Variants in ABLIM1 observed in about 807,000 individuals in gnomAD.
The protein encoded by ABLIM1 is actin binding LIM protein 1, also known as actin-binding LIM protein 1.
In ABLIM1, 40 loss-of-function variants were observed where a neutral mutation model predicts 107.0. The ratio of observed to expected loss-of-function variants is 0.37; its 90% CI spans 0.29 to 0.49. ABLIM1 has a LOEUF of 0.49. Ranked by LOEUF, ABLIM1 falls within the 20% of genes least tolerant of loss-of-function variation. The probability of loss-of-function intolerance (pLI) is 0.97; values close to 1 mark genes in which losing one functional copy is unlikely to be tolerated. For missense variants in ABLIM1, 857 were observed against 1,008.5 expected, an observed-to-expected ratio of 0.85 and a Z score of 2.04; for synonymous variants, 357 against 357.3, an observed-to-expected ratio of 1.00 and a Z score of 0.01.
At chr10:114,450,661 T>G (rs1328065875) in intron 14 of ABLIM1, among the ~76,000 whole-genome samples, 1 of 151,994 alleles carries the variant, frequency 6.6e-6, no homozygotes, top group African/African-American at 2.4e-5. Flanking sequence ...GGGCTGGTCT[T>G]GAACTCCTGA....
intron 4 of ABLIM1, among the ~76,000 whole-genome samples, chr10:114,553,300 G>A (rs1048436860): frequency 2.6e-5 from 4 of 152,178 alleles, no homozygotes; most frequent in African/African-American, 9.6e-5. Context: ...TTTCCATTCA[G>A]AGCAACTACC....
intron 1 of ABLIM1, among the ~76,000 whole-genome samples, chr10:114,653,379 A>AC (rs2079343929): frequency 6.6e-6 from 1 of 151,748 alleles, no homozygotes; most frequent in African/African-American, 2.4e-5. Context: ...CTGTCTCTAA[A>AC]AAAAAAATCA....
rs34861242 is a variant in ABLIM1, at chr10:114,568,196, C to CAAAAA, written c.673+3096_673+3100dup. On this transcript the variant is annotated intron_variant, in intron 4 of 22. Transcript: ENST00000533213. Reference sequence around the variant, plus strand: ...TGGGCGACAGAGCAAGACTCCGTCTCAAAAAAAAAAAAAAAAAAAAAAGGC... The same window carrying CAAAAA: ...TGGGCGACAGAGCAAGACTCCGTCTCAAAAAAAAAAAAAAAAAAAAAAAAAAAGGC... 7.3e-3 allele frequency among the ~76,000 whole-genome samples: 383 copies of CAAAAA among 52,340 alleles called. 21 individuals are homozygous for CAAAAA. Among genetic ancestry groups the CAAAAA allele is most frequent in the African/African-American group, 0.025 (353 of 13,874 alleles). The allele number at this position is 52,340 out of a possible 152,430, so 34.3% of individuals were successfully genotyped here. A position where few individuals can be genotyped will look rare whatever the true frequency, so the allele number is the denominator to read the frequency against.
intron 1 of ABLIM1, among the ~76,000 whole-genome samples, chr10:114,764,366 G>T (rs2082829776): frequency 6.6e-6 from 1 of 152,110 alleles, no homozygotes; most frequent in East Asian, 1.9e-4. Context: ...AGATTAAATT[G>T]ATTTATTTGT....
chr10:114,438,928 G>C lies in ABLIM1; in HGVS notation c.2142+248C>G, dbSNP rs980853492. On this transcript the variant is annotated intron_variant, in intron 21 of 22. Transcript: ENST00000533213. ...GTAATGCACATGGCAGAGGCCAAGGGAATACCTTGGTCATAGGCAGAGAGG... is the reference window on the plus strand; with the variant it reads ...GTAATGCACATGGCAGAGGCCAAGGCAATACCTTGGTCATAGGCAGAGAGG... 3.3e-5 allele frequency among the ~76,000 whole-genome samples: 5 copies of C among 152,194 alleles called. No homozygotes were observed. In the East Asian group the frequency reaches 9.6e-4, roughly 29 times the overall value.
intron 1 of ABLIM1, among the ~76,000 whole-genome samples, chr10:114,694,611 G>A (rs1472800089): frequency 6.6e-6 from 1 of 152,074 alleles, no homozygotes; most frequent in African/African-American, 2.4e-5. Flanking sequence ...CTCATGGGAT[G>A]TTGTGAAAAT....
intron 2 of ABLIM1, among the ~76,000 whole-genome samples, chr10:114,580,440 C>T (rs1429044921): frequency 6.6e-6 from 1 of 152,008 alleles, no homozygotes; most frequent in Non-Finnish European, 1.5e-5. Context: ...CTTGAACTCT[C>T]GGCCTCAAGT....
intron 6 of ABLIM1, among the ~76,000 whole-genome samples, chr10:114,495,477 G>A (rs1447953915): frequency 6.6e-6 from 1 of 152,022 alleles, no homozygotes; most frequent in East Asian, 1.9e-4. Context: ...TGGTAGTGAT[G>A]GTGATGGTGA....
chr10:114,488,421 G>A (rs1181603510), intron 7 of ABLIM1, among the ~76,000 whole-genome samples: 1 of 152,120 alleles, frequency 6.6e-6, no homozygotes, highest in African/African-American at 2.4e-5. Flanking sequence ...AAACAACCAA[G>A]CAGTTTAGTT....
chr10:114,778,809 C>G, the ABLIM1 span: 1 of 152,166 alleles, frequency 6.6e-6, no homozygotes, highest in East Asian at 1.9e-4. Flanking sequence ...CTGTGTAATC[C>G]CATCTTGTGG....
At chr10:114,694,608 G>A (rs541515076) in intron 1 of ABLIM1, among the ~76,000 whole-genome samples, 6 of 152,110 alleles carry the variant, frequency 3.9e-5, no homozygotes, top group African/African-American at 1.4e-4. Context: ...TACCTCATGG[G>A]ATGTTGTGAA....
At chr10:114,502,882 A>G (rs1272947512) in intron 6 of ABLIM1, among the ~76,000 whole-genome samples, 1 of 152,208 alleles carries the variant, frequency 6.6e-6, no homozygotes, top group African/African-American at 2.4e-5. Flanking sequence ...AAAAGAAAAG[A>G]ACATTATCTG....
intron 1 of ABLIM1, among the ~76,000 whole-genome samples, chr10:114,714,587 G>A (rs1591870778): frequency 6.6e-6 from 1 of 152,196 alleles, no homozygotes; most frequent in East Asian, 1.9e-4. Flanking sequence ...TGCTACCAAT[G>A]CTGTGCTATT....
intron 12 of ABLIM1, among the ~76,000 whole-genome samples, chr10:114,461,972 T>C (rs569517449): frequency 6.6e-6 from 1 of 152,310 alleles, no homozygotes; most frequent in Non-Finnish European, 1.5e-5. Context: ...ATTGCTTCAA[T>C]AAGCAATATT....
At chr10:114,495,133 G>A (rs2059498717) in intron 6 of ABLIM1, among the ~76,000 whole-genome samples, 1 of 152,176 alleles carries the variant, frequency 6.6e-6, no homozygotes, top group Admixed American at 6.5e-5. Flanking sequence ...CAAGAGGTGA[G>A]AGTCAGGAAG....
chr10:114,780,382 G>A, the ABLIM1 span, among the ~76,000 whole-genome samples: 3 of 152,206 alleles, frequency 2.0e-5, no homozygotes, highest in Non-Finnish European at 4.4e-5. Context: ...AACTCAATCT[G>A]TAAATGAGCT....
Position 114,487,973 on chromosome 10 carries a change from G to A in ABLIM1, c.1026C>T (p.Thr342=), listed in dbSNP as rs570177668. 29 of 1,614,050 alleles carry A rather than the reference G, an allele frequency of 1.8e-5. No homozygotes were observed. The highest frequency in any genetic ancestry group is 5.5e-5 in the South Asian group (5 of 91,076). The change falls in exon 8 of 23, where the codon ACC becomes ACT. Residue 342 remains threonine, a synonymous_variant. Transcript: ENST00000533213. ...GTGTCCTTACCCGCAGCTTTTCCTC[G>A]GTCTTCGTAGATTGCTTACAGTCGG... ...WHPDCKQSTK[T]EEKLRPTRTS... is the part of the protein sequence containing the mutation.
At chr10:114,597,214 C>G (rs970820715) in intron 2 of ABLIM1, among the ~76,000 whole-genome samples, 7 of 152,146 alleles carry the variant, frequency 4.6e-5, no homozygotes, top group Non-Finnish European at 4.4e-5. Context: ...GACAGCATTC[C>G]TCAGGTAAAA....
intron 2 of ABLIM1, among the ~76,000 whole-genome samples, chr10:114,576,694 C>CACTA (rs1428147196): frequency 6.6e-6 from 1 of 152,158 alleles, no homozygotes; most frequent in Admixed American, 6.5e-5. Flanking sequence ...CAGGACTCTT[C>CACTA]ACTAACTACA....
Sources: allele counts gnomAD v4.1 joint callset (sites outside exome capture counted in the v4.1 genomes callset), GRCh38; gene constraint gnomAD v4.1.1; transcripts MANE v1.5; gene names NCBI Gene and HGNC (gene_info 2026-07-23, HGNC 2026-07-21).